The following EDIL3 variants were observed in gnomAD, a reference collection of about 807,000 sequenced individuals.
The protein encoded by EDIL3 is EGF like and discoidin domains 3, also known as EGF-like repeat and discoidin I-like domain-containing protein 3.
EDIL3 carries 37 observed loss-of-function variants against 67.4 expected under a neutral mutation model. The observed-to-expected ratio is 0.55, with a 90% CI of 0.42 to 0.72. EDIL3 has a LOEUF of 0.72. EDIL3 is among the 30% of genes least tolerant of loss of function. The pLI, the probability that EDIL3 is intolerant of heterozygous loss-of-function variation, is 0.00. For missense variants in EDIL3, 527 were observed against 586.3 expected (o/e 0.90, Z 1.04); for synonymous variants, 195 against 196.3 (o/e 0.99, Z 0.05).
intron 5 of EDIL3, among the ~76,000 whole-genome samples, chr5:84,128,578 G>C (rs1269646674): frequency 1.3e-5 from 2 of 151,862 alleles, no homozygotes; most frequent in Admixed American, 6.6e-5. Context: ...TGTGTTTTTT[G>C]TTTTGTATAT....
At chr5:84,011,147 G>T (rs1329529749) in intron 9 of EDIL3, among the ~76,000 whole-genome samples, 2 of 152,016 alleles carry the variant, frequency 1.3e-5, no homozygotes, top group Non-Finnish European at 2.9e-5. Flanking sequence ...ATCCTTCTCT[G>T]TTAATGACAT....
At chr5:84,146,950 T>C (rs572614833) in intron 4 of EDIL3, among the ~76,000 whole-genome samples, 40 of 152,154 alleles carry the variant, frequency 2.6e-4, no homozygotes, top group African/African-American at 9.2e-4. Context: ...ACAACCCATA[T>C]AACAACCACC....
intron 4 of EDIL3, among the ~76,000 whole-genome samples, chr5:84,172,892 C>T (rs1748836450): frequency 6.6e-6 from 1 of 152,148 alleles, no homozygotes; most frequent in South Asian, 2.1e-4. Flanking sequence ...TGGTGGCTCT[C>T]CTGTCCAGCC....
At chr5:83,965,351 A>T (rs1418643710) in intron 9 of EDIL3, among the ~76,000 whole-genome samples, 2 of 152,246 alleles carry the variant, frequency 1.3e-5, no homozygotes, top group African/African-American at 2.4e-5. Flanking sequence ...GGGCTTTAAA[A>T]TATAGATTGC....
At chr5:84,052,528 G>T (rs1264078095) in intron 9 of EDIL3, among the ~76,000 whole-genome samples, 1 of 152,100 alleles carries the variant, frequency 6.6e-6, no homozygotes, top group Admixed American at 6.6e-5. Context: ...TGGATAAAGA[G>T]TCAAGACCCA....
intron 1 of EDIL3, among the ~76,000 whole-genome samples, chr5:84,287,513 T>A (rs1436036380): frequency 6.6e-6 from 1 of 152,100 alleles, no homozygotes; most frequent in African/African-American, 2.4e-5. Flanking sequence ...CTAATACAAT[T>A]TGGAATTCAG....
chr5:84,180,009 T>TG (rs1374339533), intron 4 of EDIL3, among the ~76,000 whole-genome samples: 822 of 41,868 alleles, frequency 0.02, 2 homozygotes, highest in Non-Finnish European at 0.03. Flanking sequence ...TTGTGTTTTG[T>TG]TTTTTTTTTT....
At chr5:83,986,995 C>A (rs556924934) in intron 9 of EDIL3, among the ~76,000 whole-genome samples, 1 of 152,054 alleles carries the variant, frequency 6.6e-6, no homozygotes, top group Non-Finnish European at 1.5e-5. Context: ...AAGAAAGTTA[C>A]AGTCTAAGGA....
intron 5 of EDIL3, among the ~76,000 whole-genome samples, chr5:84,112,028 G>A (rs924846335): frequency 6.6e-6 from 1 of 152,066 alleles, no homozygotes; most frequent in East Asian, 1.9e-4. Context: ...GGGAATTAGA[G>A]GCAGTTCAGT....
At chr5:84,087,028 T>C (rs376994457) in intron 6 of EDIL3, among the ~76,000 whole-genome samples, 1 of 152,136 alleles carries the variant, frequency 6.6e-6, no homozygotes, top group African/African-American at 2.4e-5. Flanking sequence ...CTTTGACCAT[T>C]TGAGAGTCTC....
At chr5:84,099,030 A>G (rs947316782) in intron 6 of EDIL3, among the ~76,000 whole-genome samples, 2 of 152,066 alleles carry the variant, frequency 1.3e-5, no homozygotes, top group African/African-American at 4.8e-5. Flanking sequence ...ATACCTAGGG[A>G]TATAACTTAC....
chr5:84,021,411 T>C (rs1197917857), intron 9 of EDIL3, among the ~76,000 whole-genome samples: 1 of 152,038 alleles, frequency 6.6e-6, no homozygotes, highest in African/African-American at 2.4e-5. Flanking sequence ...GTTTCCATTT[T>C]CACTATTTCA....
At chr5:84,314,562 C>A (rs76937044) in intron 1 of EDIL3, among the ~76,000 whole-genome samples, 2 of 152,066 alleles carry the variant, frequency 1.3e-5, no homozygotes, top group African/African-American at 4.8e-5. Context: ...TAAATTTCAC[C>A]ATGCTAAAAT....
At chr5:84,352,337 A>C (rs902716933) in intron 1 of EDIL3, among the ~76,000 whole-genome samples, 10 of 152,128 alleles carry the variant, frequency 6.6e-5, no homozygotes, top group Non-Finnish European at 1.3e-4. Flanking sequence ...CTGCCCTGTT[A>C]TGTTCATGAC....
chr5:84,300,512 G>T (rs1265521143), intron 1 of EDIL3, among the ~76,000 whole-genome samples: 1 of 152,092 alleles, frequency 6.6e-6, no homozygotes, highest in Non-Finnish European at 1.5e-5. Context: ...CTATCATGTT[G>T]CAATCTTATC....
At chr5:84,356,917 GTCTC>G (rs1339220629) in intron 1 of EDIL3, among the ~76,000 whole-genome samples, 1 of 32,548 alleles carries the variant, frequency 3.1e-5, no homozygotes, top group Non-Finnish European at 6.4e-5. Context: ...TTTTTTTTTG[GTCTC>G]TCTCTCTCTC....
rs1367766339 is a variant in EDIL3 at position 84,176,221 on chromosome 5, AT to A, written c.355+4171del. Among the ~76,000 whole-genome samples, 47 of 129,830 alleles carry A rather than the reference AT, an allele frequency of 3.6e-4. 1 individual carries two copies. Among genetic ancestry groups the A allele is most frequent in the Admixed American group, 2.0e-3 (25 of 12,268 alleles). 85.2% of individuals were successfully genotyped at this position (129,830 alleles called of 152,430 possible). On this transcript the variant is annotated intron_variant, in intron 4 of 10. Coordinates refer to ENST00000296591, the MANE Select transcript of EDIL3 (RefSeq NM_005711.5). ...ATAATATATATATATATATATATAT[AT>A]ATATAATATATTGTATGTATAATAT...
intron 3 of EDIL3, among the ~76,000 whole-genome samples, chr5:84,229,591 T>G (rs1343931040): frequency 6.6e-6 from 1 of 152,212 alleles, no homozygotes; most frequent in African/African-American, 2.4e-5. Context: ...TCCTTATTCT[T>G]TAATGTCAAT....
intron 1 of EDIL3, among the ~76,000 whole-genome samples, chr5:84,318,919 C>T (rs1268840368): frequency 6.6e-6 from 1 of 151,988 alleles, no homozygotes; most frequent in African/African-American, 2.4e-5. Flanking sequence ...CTGACAAAGG[C>T]TAATATCCAG....
Sources: gnomAD v4.1 joint callset for allele counts (sites outside exome capture counted in the v4.1 genomes callset) on GRCh38, gnomAD v4.1.1 for gene constraint, MANE v1.5 for transcripts, NCBI Gene and HGNC (gene_info 2026-07-23, HGNC 2026-07-21) for gene names.